The following CLVS1 variants were observed in gnomAD, a reference collection of about 807,000 sequenced individuals.
The protein encoded by CLVS1 is clavesin 1, also known as clavesin-1.
A neutral mutation model predicts 33.1 loss-of-function variants in CLVS1; 10 were observed. The observed-to-expected ratio is 0.30, with a 90% CI of 0.19 to 0.51. CLVS1 has a LOEUF of 0.51. Ranked by LOEUF, CLVS1 falls within the 20% of genes least tolerant of loss-of-function variation. The probability of loss-of-function intolerance (pLI) is 0.97; values close to 1 mark genes in which losing one functional copy is unlikely to be tolerated. For synonymous variants in CLVS1, 163 were observed against 166.1 expected (o/e 0.98, Z 0.14); for missense variants, 343 against 433.4 (o/e 0.79, Z 1.85).
At chr8:61,449,282 C>T (rs572138113) in intron 3 of CLVS1, among the ~76,000 whole-genome samples, 1 of 152,292 alleles carries the variant, frequency 6.6e-6, no homozygotes, top group Admixed American at 6.5e-5. Context: ...AATTAGTCCC[C>T]TTCCAACACC....
intron 2 of CLVS1, among the ~76,000 whole-genome samples, chr8:61,139,443 C>T (rs774175735): frequency 2.1e-4 from 32 of 152,200 alleles, no homozygotes; most frequent in Non-Finnish European, 3.7e-4. Context: ...CCGATGTCAC[C>T]TTCTCCGCGC....
At chr8:61,462,363 TTTTG>T (rs1006385991) in intron 5 of CLVS1, among the ~76,000 whole-genome samples, 16 of 152,270 alleles carry the variant, frequency 1.1e-4, no homozygotes, top group East Asian at 5.8e-4. Context: ...TATGAAATGT[TTTTG>T]TTTGTTTGTT....
At chr8:61,352,590 A>G (rs1812514077) in intron 2 of CLVS1, among the ~76,000 whole-genome samples, 1 of 152,000 alleles carries the variant, frequency 6.6e-6, no homozygotes, top group South Asian at 2.1e-4. Context: ...GATGGATTTA[A>G]AAAAATAGAC....
intron 3 of CLVS1, among the ~76,000 whole-genome samples, chr8:61,422,938 A>G (rs1031406836): frequency 6.6e-6 from 1 of 151,972 alleles, no homozygotes; most frequent in Non-Finnish European, 1.5e-5. Flanking sequence ...TCCCCGGTGG[A>G]CTGTGCTCCG....
At chr8:61,468,852 C>T (rs1817645432) in intron 5 of CLVS1, among the ~76,000 whole-genome samples, 2 of 152,066 alleles carry the variant, frequency 1.3e-5, no homozygotes, top group Non-Finnish European at 2.9e-5. Context: ...GGAGCCACCG[C>T]TTATCGGAAT....
intron 2 of CLVS1, among the ~76,000 whole-genome samples, chr8:61,307,638 T>G (rs1232806638): frequency 6.6e-6 from 1 of 152,226 alleles, no homozygotes; most frequent in Non-Finnish European, 1.5e-5. Flanking sequence ...CAAATTTTAT[T>G]TATTTACTTT....
At chr8:60,983,442 C>T in the CLVS1 span, among the ~76,000 whole-genome samples, 1 of 152,138 alleles carries the variant, frequency 6.6e-6, no homozygotes, top group Admixed American at 6.5e-5. Context: ...GGTTTCCCTC[C>T]CCAGCAGCCA....
intron 2 of CLVS1, among the ~76,000 whole-genome samples, chr8:61,316,050 G>A (rs1194792021): frequency 9.9e-5 from 15 of 152,014 alleles, no homozygotes; most frequent in Non-Finnish European, 1.3e-4. Flanking sequence ...CCTCCAAAGG[G>A]CATGAACTCA....
intron 2 of CLVS1, among the ~76,000 whole-genome samples, chr8:61,190,135 T>G (rs932655009): frequency 1.3e-5 from 2 of 152,210 alleles, no homozygotes; most frequent in Non-Finnish European, 2.9e-5. Context: ...AAAGCACTCC[T>G]CAGCGAATAT....
intron 2 of CLVS1, among the ~76,000 whole-genome samples, chr8:61,238,333 C>T (rs2978552): frequency 0.62 from 93,167 of 150,832 alleles, 30,848 homozygotes; most frequent in East Asian, 0.96. Flanking sequence ...CTCTCTTTCC[C>T]TCCCCTGCTT....
chr8:61,026,269 C>T, the CLVS1 span, among the ~76,000 whole-genome samples: 1 of 152,282 alleles, frequency 6.6e-6, no homozygotes, highest in South Asian at 2.1e-4. Context: ...CCATCTAAAG[C>T]CAAGGAGAGA....
intron 2 of CLVS1, among the ~76,000 whole-genome samples, chr8:61,323,345 C>T (rs896605238): frequency 3.9e-5 from 6 of 152,076 alleles, no homozygotes; most frequent in East Asian, 1.9e-4. Flanking sequence ...ATCCTGTTGA[C>T]GAAAGCACAT....
At chr8:61,440,397 G>T (rs918518598) in intron 3 of CLVS1, among the ~76,000 whole-genome samples, 3 of 152,134 alleles carry the variant, frequency 2.0e-5, no homozygotes, top group Non-Finnish European at 4.4e-5. Flanking sequence ...TATCTGTTAA[G>T]ACTTTAAAAT....
At chr8:61,094,709 C>G (rs1193000191) in intron 1 of CLVS1, among the ~76,000 whole-genome samples, 1 of 152,142 alleles carries the variant, frequency 6.6e-6, no homozygotes, top group Non-Finnish European at 1.5e-5. Flanking sequence ...GACACACAAA[C>G]CAAGGGAAGT....
chr8:60,984,163 A>G, the CLVS1 span, among the ~76,000 whole-genome samples: 2 of 152,022 alleles, frequency 1.3e-5, no homozygotes, highest in African/African-American at 2.4e-5. Flanking sequence ...TCTCCCTAGG[A>G]TATCTTTCTC....
chr8:61,139,563 C>CG (rs1337730317), intron 2 of CLVS1, among the ~76,000 whole-genome samples: 1 of 152,008 alleles, frequency 6.6e-6, no homozygotes, highest in Non-Finnish European at 1.5e-5. Flanking sequence ...AGGCCGGGGG[C>CG]GGGGGCTAAG....
intron 2 of CLVS1, among the ~76,000 whole-genome samples, chr8:61,355,687 G>A (rs941597552): frequency 8.5e-5 from 13 of 152,090 alleles, no homozygotes; most frequent in Non-Finnish European, 7.4e-5. Context: ...TCTTGTGATA[G>A]TTTACTGAGA....
the CLVS1 span, among the ~76,000 whole-genome samples, chr8:61,037,873 C>G: frequency 6.6e-6 from 1 of 152,132 alleles, no homozygotes; most frequent in Non-Finnish European, 1.5e-5. Flanking sequence ...AAGGAAACAG[C>G]AGGACGCACT....
At chr8:61,393,282 T>G (rs1033726758) in intron 3 of CLVS1, among the ~76,000 whole-genome samples, 1 of 152,206 alleles carries the variant, frequency 6.6e-6, no homozygotes, top group Non-Finnish European at 1.5e-5. Context: ...TATATATTTC[T>G]TCGAAGATTT....
Sources: gnomAD v4.1 joint callset for allele counts (sites outside exome capture counted in the v4.1 genomes callset) on GRCh38, gnomAD v4.1.1 for gene constraint, MANE v1.5 for transcripts, NCBI Gene and HGNC (gene_info 2026-07-23, HGNC 2026-07-21) for gene names.